The following DLGAP1 variants were observed in gnomAD, a reference collection of about 807,000 sequenced individuals.
DLGAP1 encodes DLG associated protein 1.
A neutral mutation model predicts 90.8 loss-of-function variants in DLGAP1; 11 were observed. That is an observed-to-expected ratio of 0.12 (90% CI 0.08 to 0.20). The LOEUF is 0.20. Among genes scored for constraint, DLGAP1 ranks in the 10% least tolerant of loss-of-function variants. The pLI is 1.00. For synonymous variants in DLGAP1, 558 were observed against 540.7 expected, an observed-to-expected ratio of 1.03 and a Z score of -0.44; for missense variants, 1,050 against 1,333.8, an observed-to-expected ratio of 0.79 and a Z score of 3.31.
chr18:4,037,973 A>G (rs1598283675), intron 2 of DLGAP1, among the ~76,000 whole-genome samples: 1 of 152,174 alleles, frequency 6.6e-6, no homozygotes, highest in African/African-American at 2.4e-5. Flanking sequence ...AACAAAAATT[A>G]CCTTTTAACT....
intron 7 of DLGAP1, among the ~76,000 whole-genome samples, chr18:3,583,164 A>ACCTTCCTTCCTT (rs1555688508): frequency 2.3e-4 from 29 of 127,366 alleles, no homozygotes; most frequent in Non-Finnish European, 3.9e-4. Flanking sequence ...CTACCTACCT[A>ACCTTCCTTCCTT]CCTACCTACC....
At chr18:3,936,788 A>G (rs189608667) in intron 3 of DLGAP1, among the ~76,000 whole-genome samples, 2 of 152,318 alleles carry the variant, frequency 1.3e-5, no homozygotes, top group Non-Finnish European at 2.9e-5. Flanking sequence ...GGAGGCATAT[A>G]TGGGGTAATG....
chr18:3,772,348 CTTTCTTT>C, intron 5 of DLGAP1, among the ~76,000 whole-genome samples: 1 of 2,234 alleles, frequency 4.5e-4, no homozygotes, highest in Non-Finnish European at 1.1e-3. Context: ...CTCTCTCTCT[CTTTCTTT>C]CTTTCTTTCT....
intron 3 of DLGAP1, chr18:3,894,798 G>A (rs1265061759): frequency 6.6e-6 from 1 of 152,150 alleles, no homozygotes; most frequent in Admixed American, 6.5e-5. Context: ...TGTTGCTGAA[G>A]TGAGTACTCC....
intron 7 of DLGAP1, among the ~76,000 whole-genome samples, chr18:3,694,928 GTGTTTTTTT>G (rs1054047757): frequency 6.9e-6 from 1 of 144,972 alleles, no homozygotes; most frequent in Admixed American, 7.0e-5. Context: ...ATTGCTTTTG[GTGTTTTTTT>G]TGTTTTTTTT....
rs533803137 is a variant in DLGAP1, at chr18:3,502,259, C to T, written c.2724+234G>A. The T allele has an allele frequency of 1.3e-5, 17 of 1,347,358 alleles. No individual in the cohort carries two copies. In the South Asian group the frequency reaches 2.7e-4, roughly 22 times the overall value. 83.5% of individuals were successfully genotyped at this position (1,347,358 alleles called of 1,614,324 possible). A position where few individuals can be genotyped will look rare whatever the true frequency, so the allele number is the denominator to read the frequency against. On this transcript the variant is annotated intron_variant, in intron 12 of 12. Coordinates refer to ENST00000315677, the MANE Select transcript of DLGAP1 (RefSeq NM_004746.4). ...AAAGTTTAATTAACAAAAAAAGCCA[C>T]ATTCCCATTTTCCAATTCACAAAGA...
chr18:3,824,173 T>A (rs1225570060), intron 4 of DLGAP1, among the ~76,000 whole-genome samples: 2 of 152,136 alleles, frequency 1.3e-5, no homozygotes, highest in African/African-American at 4.8e-5. Flanking sequence ...CTGGTGTCTA[T>A]CCACCATATC....
At chr18:3,758,400 A>G (rs1432310359) in intron 5 of DLGAP1, among the ~76,000 whole-genome samples, 1 of 152,198 alleles carries the variant, frequency 6.6e-6, no homozygotes, top group Non-Finnish European at 1.5e-5. Flanking sequence ...TGAAGCTATA[A>G]TAACGGGAGC....
At chr18:3,541,943 C>T (rs76681184) in intron 9 of DLGAP1, among the ~76,000 whole-genome samples, 4,306 of 152,006 alleles carry the variant, frequency 0.028, 95 homozygotes, top group Non-Finnish European at 0.043. Flanking sequence ...TTCACTGAGG[C>T]ATTTGTTTCT....
At chr18:4,017,570 T>C (rs2074543206) in intron 2 of DLGAP1, among the ~76,000 whole-genome samples, 2 of 152,232 alleles carry the variant, frequency 1.3e-5, no homozygotes, top group African/African-American at 4.8e-5. Flanking sequence ...AAACAATTTC[T>C]GGAAACCCAA....
At chr18:4,422,972 A>G (rs2615861) in intron 1 of DLGAP1, among the ~76,000 whole-genome samples, 142,689 of 152,184 alleles carry the variant, frequency 0.94, 67,549 homozygotes, top group East Asian at 1. Flanking sequence ...ACTAACCTTA[A>G]CATAATGATT....
intron 9 of DLGAP1, among the ~76,000 whole-genome samples, chr18:3,555,436 A>G (rs2053693116): frequency 2.0e-5 from 3 of 152,126 alleles, no homozygotes; most frequent in South Asian, 2.1e-4. Context: ...TTAAAAAATA[A>G]TGATAAAAAT....
chr18:3,672,982 T>G (rs759222099), intron 7 of DLGAP1, among the ~76,000 whole-genome samples: 1 of 152,230 alleles, frequency 6.6e-6, no homozygotes, highest in Non-Finnish European at 1.5e-5. Flanking sequence ...GTCTTTTGCC[T>G]CTTTAATTTA....
chr18:3,992,274 C>T (rs1305374203), intron 3 of DLGAP1, among the ~76,000 whole-genome samples: 1 of 152,182 alleles, frequency 6.6e-6, no homozygotes, highest in African/African-American at 2.4e-5. Context: ...AGTCTGCAGG[C>T]CCTAGTTGTT....
chr18:4,437,807 T>C (rs574828390), intron 1 of DLGAP1, among the ~76,000 whole-genome samples: 2 of 142 alleles, frequency 0.014, no homozygotes, highest in South Asian at 0.33. Flanking sequence ...CTTAATACAG[T>C]TGGAGGGTTA....
Position 3,879,556 on chromosome 18 carries a change from G to T in DLGAP1, c.513C>A (p.Asp171Glu). 1.3e-6 allele frequency: 2 copies of T among 1,598,922 alleles called. No individual in the cohort carries two copies. The highest frequency in any genetic ancestry group is 2.2e-5 in the East Asian group (1 of 44,794). ...TGCCATAGCGCGCCGCCTGCGCCTC[G>T]TCAGGGCTGGCCTTGCCCCCGTTGA... ...GSVNGGKASP[D>E]EAQAARYGKR... The change falls in exon 4 of 13, where the codon GAC (aspartate) becomes GAA (glutamate). Residue 171 changes from aspartate (D) to glutamate (E), a missense_variant. By Grantham distance (45) the Asp-to-Glu change is conservative. Transcript: ENST00000315677. The surrounding 1 kb of genome is among the most constrained non-coding windows in gnomAD (Gnocchi z 6.6).
At chr18:3,939,143 A>G (rs1164045842) in intron 3 of DLGAP1, among the ~76,000 whole-genome samples, 1 of 144,838 alleles carries the variant, frequency 6.9e-6, no homozygotes, top group African/African-American at 2.6e-5. Flanking sequence ...CCAGTGGCTT[A>G]GGTGGGTGGT....
intron 1 of DLGAP1, among the ~76,000 whole-genome samples, chr18:4,434,870 G>C (rs573625497): frequency 6.6e-6 from 1 of 152,236 alleles, no homozygotes; most frequent in East Asian, 1.9e-4. Context: ...GACAGAGAGA[G>C]AAACATCATA....
chr18:3,588,232 G>T (rs1439577339), intron 7 of DLGAP1, among the ~76,000 whole-genome samples: 1 of 152,216 alleles, frequency 6.6e-6, no homozygotes, highest in Non-Finnish European at 1.5e-5. Flanking sequence ...GGCTGAGGCG[G>T]CCAGATCACC....
Sources: allele counts gnomAD v4.1 joint callset (sites outside exome capture counted in the v4.1 genomes callset), GRCh38; gene constraint gnomAD v4.1.1; non-coding constraint Gnocchi (gnomAD v3.1); transcripts MANE v1.5; gene names NCBI Gene and HGNC (gene_info 2026-07-23, HGNC 2026-07-21).